DTNB: variants seen among roughly 807,000 people sequenced by gnomAD.
DTNB encodes dystrobrevin beta, also known as DTN-B.
In DTNB, 63 loss-of-function variants were observed where a neutral mutation model predicts 90.7. That is an observed-to-expected ratio of 0.69 (90% CI 0.57 to 0.86). DTNB has a LOEUF of 0.86. DTNB is among the 40% of genes least tolerant of loss of function. The pLI is 0.00. For missense variants in DTNB, 744 were observed against 807.1 expected (o/e 0.92, Z 0.95); for synonymous variants, 277 against 286.7 (o/e 0.97, Z 0.34).
At chr2:25,645,932 A>C (rs937271117) in intron 2 of DTNB, among the ~76,000 whole-genome samples, 2 of 152,212 alleles carry the variant, frequency 1.3e-5, no homozygotes, top group Admixed American at 6.5e-5. Context: ...ATGGGATGGA[A>C]GGAAGAAAGC....
intron 4 of DTNB, among the ~76,000 whole-genome samples, chr2:25,618,643 G>A (rs1008653881): frequency 5.9e-5 from 9 of 152,134 alleles, no homozygotes; most frequent in African/African-American, 1.9e-4. Flanking sequence ...CAGTGAATAC[G>A]AACCCCTCTA....
intron 8 of DTNB, among the ~76,000 whole-genome samples, chr2:25,546,925 T>C (rs2082553143): frequency 1.3e-5 from 2 of 151,944 alleles, no homozygotes; most frequent in Non-Finnish European, 2.9e-5. Flanking sequence ...GCGCTCACCA[T>C]AGCCTTGATC....
chr2:25,429,107 T>C (rs2052955570), intron 14 of DTNB, among the ~76,000 whole-genome samples: 1 of 152,150 alleles, frequency 6.6e-6, no homozygotes, highest in Non-Finnish European at 1.5e-5. Flanking sequence ...TAGGCTGAAC[T>C]GAGATGCACG....
In DTNB at chr2:25,414,305, G is replaced by A. The variant is rs554256606; in HGVS notation, c.1575+5210C>T. On this transcript the variant is annotated intron_variant, in intron 16 of 20. Coordinates refer to ENST00000406818, the MANE Select transcript of DTNB (RefSeq NM_021907.5). ...AGTCTCGCTCTGTCGGCTGAAGTGC[G>A]GAGTGCAGTGGTGCGATCTCGGCTC... Among the ~76,000 whole-genome samples, 9 of 152,234 alleles carry A rather than the reference G, an allele frequency of 5.9e-5. No homozygotes were observed. The South Asian group carries it at 6.2e-4, about 11-fold the overall frequency.
chr2:25,405,225 G>A (rs2044786196), intron 16 of DTNB, among the ~76,000 whole-genome samples: 1 of 152,118 alleles, frequency 6.6e-6, no homozygotes, highest in Non-Finnish European at 1.5e-5. Flanking sequence ...ACCATGCCTG[G>A]CCCGACTAAC....
chr2:25,564,640 A>G (rs981351963), intron 8 of DTNB, among the ~76,000 whole-genome samples: 5 of 152,014 alleles, frequency 3.3e-5, no homozygotes, highest in African/African-American at 1.2e-4. Context: ...CACCCACCTG[A>G]GCCTCCCAAA....
chr2:25,551,469 G>C (rs778566120), intron 8 of DTNB, among the ~76,000 whole-genome samples: 5 of 152,122 alleles, frequency 3.3e-5, no homozygotes, highest in Admixed American at 2.0e-4. Flanking sequence ...GTGGCCTCCC[G>C]GCTGGGGATC....
intron 9 of DTNB, among the ~76,000 whole-genome samples, chr2:25,485,160 A>G (rs911774580): frequency 2.0e-5 from 3 of 152,042 alleles, no homozygotes; most frequent in African/African-American, 7.2e-5. Flanking sequence ...GTTACCTGCT[A>G]TATATATATT....
intron 6 of DTNB, among the ~76,000 whole-genome samples, chr2:25,587,195 GGAGT>G (rs1285914272): frequency 2.6e-5 from 4 of 152,188 alleles, no homozygotes; most frequent in Admixed American, 6.5e-5. Context: ...CAGGCAATGA[GGAGT>G]GAGTCGAGTT....
intron 3 of DTNB, among the ~76,000 whole-genome samples, chr2:25,628,626 G>A (rs1197541870): frequency 2.0e-5 from 3 of 152,082 alleles, no homozygotes; most frequent in African/African-American, 4.8e-5. Flanking sequence ...AGTATTTCAC[G>A]TCTCTGCAAA....
At chr2:25,503,228 G>A (rs899570791) in intron 9 of DTNB, among the ~76,000 whole-genome samples, 12 of 152,058 alleles carry the variant, frequency 7.9e-5, no homozygotes, top group Non-Finnish European at 1.0e-4. Flanking sequence ...AGTGGCTCAC[G>A]CCTGTAATCC....
intron 1 of DTNB, among the ~76,000 whole-genome samples, chr2:25,658,551 T>C (rs1158334493): frequency 1.3e-5 from 2 of 152,186 alleles, no homozygotes; most frequent in Non-Finnish European, 2.9e-5. Flanking sequence ...ATAAATAAAC[T>C]GCAATACTTC....
chr2:25,386,995 T>TA (rs1266428128), intron 18 of DTNB, among the ~76,000 whole-genome samples: 3 of 151,818 alleles, frequency 2.0e-5, no homozygotes, highest in Non-Finnish European at 4.4e-5. Flanking sequence ...GAAGACGAGG[T>TA]AAGTGAGGAA....
chr2:25,477,969 G>T (rs1244427478), intron 10 of DTNB, among the ~76,000 whole-genome samples: 1 of 147,708 alleles, frequency 6.8e-6, no homozygotes, highest in Non-Finnish European at 1.5e-5. Flanking sequence ...CCAAAATTTT[G>T]TTGCTATTGT....
intron 2 of DTNB, chr2:25,650,362 A>G: frequency 2.1e-6 from 1 of 483,730 alleles, no homozygotes; most frequent in Non-Finnish European, 2.7e-6. Context: ...TCCTCAATAA[A>G]TGCACTAAAA....
intron 9 of DTNB, among the ~76,000 whole-genome samples, chr2:25,519,255 T>G (rs1411660542): frequency 6.6e-5 from 10 of 151,862 alleles, no homozygotes; most frequent in Admixed American, 6.6e-4. Flanking sequence ...TCCTAGCTAC[T>G]TGGGAGGCTG....
At chr2:25,576,718 T>C (rs910814318) in intron 8 of DTNB, 120 bp downstream of exon 8, 20 of 1,241,768 alleles carry the variant, frequency 1.6e-5, no homozygotes, top group Non-Finnish European at 2.0e-5. Context: ...AATGTTAGTG[T>C]TAAGATTTTA....
intron 1 of DTNB, among the ~76,000 whole-genome samples, chr2:25,670,944 A>G (rs1356462423): frequency 6.6e-6 from 1 of 152,160 alleles, no homozygotes; most frequent in African/African-American, 2.4e-5. Flanking sequence ...GCATATCCAC[A>G]CTGCATAAGC....
rs1167180393 is a variant in DTNB, at chr2:25,482,924, C to T, written c.1002-51G>A. 2.6e-6 allele frequency: 4 copies of T among 1,520,100 alleles called. No individual in the cohort carries two copies. The African/African-American group carries it at 4.2e-5, about 16-fold the overall frequency. 94.2% of individuals were successfully genotyped at this position (1,520,100 alleles called of 1,614,324 possible). On this transcript the variant is annotated intron_variant, in intron 9 of 20. Coordinates refer to ENST00000406818, the MANE Select transcript of DTNB (RefSeq NM_021907.5). ...ATTAATAATGACCAACTAGGGGAAA[C>T]AAGGGAAACGACGATAAGCATGGTA...
Sources: allele counts gnomAD v4.1 joint callset (sites outside exome capture counted in the v4.1 genomes callset), GRCh38; gene constraint gnomAD v4.1.1; transcripts MANE v1.5; gene names NCBI Gene and HGNC (gene_info 2026-07-23, HGNC 2026-07-21).